CCDC6: variants seen among roughly 807,000 people sequenced by gnomAD.
CCDC6 encodes the protein coiled-coil domain-containing protein 6.
A neutral mutation model predicts 56.6 loss-of-function variants in CCDC6; 20 were observed. The ratio of observed to expected loss-of-function variants is 0.35; its 90% confidence interval spans 0.25 to 0.51. The LOEUF (loss-of-function observed/expected upper bound fraction) is 0.51, where lower values mean the gene tolerates loss of function less well. CCDC6 is among the 20% of genes least tolerant of loss of function. The pLI, the probability that CCDC6 is intolerant of heterozygous loss-of-function variation, is 0.95. For missense variants in CCDC6, 367 were observed against 601.1 expected (o/e 0.61, Z 4.07); for synonymous variants, 241 against 234.4 (o/e 1.03, Z -0.26).
At chr10:59,797,787 C>T (rs2070536663) in intron 7 of CCDC6, among the ~76,000 whole-genome samples, 2 of 151,624 alleles carry the variant, frequency 1.3e-5, no homozygotes, top group Non-Finnish European at 2.9e-5. Flanking sequence ...GAAAGCCCTG[C>T]CAATGTTCCC....
chr10:59,905,451 CAG>C (rs1435278152), intron 1 of CCDC6, among the ~76,000 whole-genome samples: 2 of 152,240 alleles, frequency 1.3e-5, no homozygotes, highest in Non-Finnish European at 2.9e-5. Context: ...CAGCCCTGTC[CAG>C]GCGTGGATGC....
rs186069208 is a variant in CCDC6, at chr10:59,891,687, C to A, written c.303+14435G>T. Among the ~76,000 whole-genome samples, 254 of 152,324 alleles carry A rather than the reference C, an allele frequency of 1.7e-3. 2 individuals are homozygous for A. Among genetic ancestry groups the A allele is most frequent in the Middle Eastern group, 3.4e-3 (1 of 294 alleles). Reference sequence around the variant, plus strand: ...AGAGGGAGGCAGAGAAACCAAAAGGCTCCAATAGTTTTGGCTAGAGGCCCC... The same window carrying A: ...AGAGGGAGGCAGAGAAACCAAAAGGATCCAATAGTTTTGGCTAGAGGCCCC... On this transcript the variant is annotated intron_variant, in intron 1 of 8. Coordinates refer to ENST00000263102, the MANE Select transcript of CCDC6 (RefSeq NM_005436.5).
intron 1 of CCDC6, among the ~76,000 whole-genome samples, chr10:59,901,115 G>A (rs1184911281): frequency 6.6e-6 from 1 of 152,132 alleles, no homozygotes; most frequent in African/African-American, 2.4e-5. Context: ...GAAACACATA[G>A]AAGATACTTA....
intron 3 of CCDC6, among the ~76,000 whole-genome samples, chr10:59,816,771 T>C (rs1210874974): frequency 1.3e-5 from 2 of 152,202 alleles, no homozygotes; most frequent in African/African-American, 4.8e-5. Flanking sequence ...ACAAGGGACT[T>C]GTCTTGTCTG....
chr10:59,889,725 C>CA (rs1589063150), intron 1 of CCDC6, among the ~76,000 whole-genome samples: 1 of 152,184 alleles, frequency 6.6e-6, no homozygotes, highest in African/African-American at 2.4e-5. Context: ...AGGGAGAACT[C>CA]AGAGTATTTC....
chr10:59,832,524 C>A lies in CCDC6; in HGVS notation c.582+1G>T. 1 of 1,611,440 alleles carries A rather than the reference C, an allele frequency of 6.2e-7. No individual in the cohort carries two copies. The highest frequency in any genetic ancestry group is 1.3e-5 in the African/African-American group (1 of 74,808). On this transcript the variant is annotated splice_donor_variant, in intron 3 of 8. Coordinates refer to ENST00000263102, the MANE Select transcript of CCDC6 (RefSeq NM_005436.5). LOFTEE classifies it high-confidence loss of function. ...GTAAAGGAAGAGCTACAGGTGCTTA[C>A]CTGTTCTAATGTAAGTTGCTTAGAA... is the stretch of plus-strand genomic sequence containing the variant.
At position 59,804,450 on chromosome 10, in the gene CCDC6, A is replaced by C; in HGVS notation, c.1075T>G (p.Ser359Ala). 12 of 1,612,578 alleles carry C rather than the reference A, an allele frequency of 7.4e-6. No individual in the cohort carries two copies. The highest frequency in any genetic ancestry group is 1.0e-5 in the Non-Finnish European group (12 of 1,178,628). ...TVSSPIPYTP[S>A]PSSSRPISPG... ...GATATAGGCCTGCTTGAACTCGGAG[A>C]AGGTGTGTAAGGGATCGGGCTGGAC... The change falls in exon 7 of 9, where the codon TCT (serine) becomes GCT (alanine). Residue 359 changes from serine (S) to alanine (A), a missense_variant. Physicochemically the swap from Ser to Ala is moderately conservative, Grantham distance 99. Around this residue, in one of 7 missense-constraint regions of CCDC6, gnomAD observed 79 missense variants for 83.9 expected, o/e 0.94. Coordinates refer to ENST00000263102, the MANE Select transcript of CCDC6 (RefSeq NM_005436.5).
Position 59,806,912 on chromosome 10 carries a change from A to G in CCDC6, c.1004+10T>C. ...TAAACAAAAACAAGGCTCATAAGAC[A>G]TGCACACACCTTTCGTCGTCCATTT... On this transcript the variant is annotated intron_variant, in intron 6 of 8. Coordinates refer to ENST00000263102, the MANE Select transcript of CCDC6 (RefSeq NM_005436.5). 1 of 1,612,262 alleles carries G rather than the reference A, an allele frequency of 6.2e-7. No individual in the cohort carries two copies.
chr10:59,891,723 T>A (rs1185758164), intron 1 of CCDC6, among the ~76,000 whole-genome samples: 1 of 152,218 alleles, frequency 6.6e-6, no homozygotes, highest in Non-Finnish European at 1.5e-5. Context: ...ACAACTCTGA[T>A]GGATAGACAA....
chr10:59,808,425 C>T (rs1238843070), intron 5 of CCDC6, among the ~76,000 whole-genome samples: 1 of 152,188 alleles, frequency 6.6e-6, no homozygotes, highest in Non-Finnish European at 1.5e-5. Context: ...ACCTCCCCAC[C>T]GCCCCCATTC....
intron 1 of CCDC6, among the ~76,000 whole-genome samples, chr10:59,862,268 C>A (rs541298810): frequency 2.0e-5 from 3 of 151,818 alleles, no homozygotes; most frequent in African/African-American, 7.3e-5. Flanking sequence ...AGGTGGATCA[C>A]CTGAGGACAG....
chr10:59,812,492 G>T, intron 5 of CCDC6, 143 bp downstream of exon 5: 1 of 517,010 alleles, frequency 1.9e-6, no homozygotes, highest in Non-Finnish European at 3.1e-6. Flanking sequence ...ATTCCAGGAT[G>T]ATGAACTTAA....
Position 59,844,762 on chromosome 10 carries a change from A to AAG in CCDC6, c.453+7789_453+7790dup, listed in dbSNP as rs1554884868. Among the ~76,000 whole-genome samples, 53 of 134,018 alleles carry AAG rather than the reference A, an allele frequency of 4.0e-4. 1 individual carries two copies. The highest frequency in any genetic ancestry group is 1.6e-3 in the Admixed American group (21 of 13,350). The allele number at this position is 134,018 out of a possible 152,430, so 87.9% of individuals were successfully genotyped here. On this transcript the variant is annotated intron_variant, in intron 2 of 8. Transcript: ENST00000263102. ...GACTATCTCCAAAAAAAAAAAAAAA[A>AAG]AGAGAGAGAGAGAGAGAAAATCCTT...
At chr10:59,855,947 A>G (rs2071078037) in intron 1 of CCDC6, among the ~76,000 whole-genome samples, 1 of 152,208 alleles carries the variant, frequency 6.6e-6, no homozygotes, top group Non-Finnish European at 1.5e-5. Context: ...AGGCTTTGGC[A>G]AACAAAATTA....
chr10:59,794,165 T>A (rs762408109), intron 8 of CCDC6, among the ~76,000 whole-genome samples: 2 of 152,206 alleles, frequency 1.3e-5, no homozygotes, highest in East Asian at 3.8e-4. Context: ...TTAGACATTA[T>A]GGCAACCAAC....
At chr10:59,888,092 G>A (rs891092950) in intron 1 of CCDC6, among the ~76,000 whole-genome samples, 3 of 152,226 alleles carry the variant, frequency 2.0e-5, no homozygotes, top group Non-Finnish European at 2.9e-5. Context: ...TGGAGATTCT[G>A]GGCAAAGACT....
At chr10:59,860,665 C>T (rs2071120290) in intron 1 of CCDC6, among the ~76,000 whole-genome samples, 1 of 152,162 alleles carries the variant, frequency 6.6e-6, no homozygotes, top group African/African-American at 2.4e-5. Flanking sequence ...GGAAATAACA[C>T]AAAGACCCAA....
intron 2 of CCDC6, among the ~76,000 whole-genome samples, chr10:59,836,675 T>C (rs533337606): frequency 6.6e-6 from 1 of 152,338 alleles, no homozygotes; most frequent in South Asian, 2.1e-4. Flanking sequence ...TTTCAACAAA[T>C]ACATTTTTTA....
At chr10:59,852,490 A>T in intron 2 of CCDC6, 63 bp downstream of exon 2, 1 of 1,377,184 alleles carries the variant, frequency 7.3e-7, no homozygotes, top group South Asian at 1.5e-5. Context: ...GCTATATCAA[A>T]GTCATTTTCT....
Sources: allele counts gnomAD v4.1 joint callset (sites outside exome capture counted in the v4.1 genomes callset), GRCh38; gene constraint gnomAD v4.1.1; regional missense constraint gnomAD v4.1.1; transcripts MANE v1.5; gene names NCBI Gene and HGNC (gene_info 2026-07-23, HGNC 2026-07-21).